RGS5: variants seen among roughly 807,000 people sequenced by gnomAD.
The protein encoded by RGS5 is regulator of G protein signaling 5, also known as regulator of G-protein signalling 5.
A neutral mutation model predicts 18.9 loss-of-function variants in RGS5; 20 were observed. The observed-to-expected ratio is 1.06, with a 90% confidence interval of 0.74 to 1.54. The LOEUF is 1.54. Among genes scored for constraint, RGS5 ranks in the 40% most tolerant of loss-of-function variants. The pLI, the probability that RGS5 is intolerant of heterozygous loss-of-function variation, is 0.00. For missense variants in RGS5, 201 were observed against 211.8 expected, an observed-to-expected ratio of 0.95 and a Z score of 0.32; for synonymous variants, 57 against 76.2, an observed-to-expected ratio of 0.75 and a Z score of 1.31.
intron 2 of RGS5, among the ~76,000 whole-genome samples, chr1:163,252,774 C>T (rs914112118): frequency 6.6e-6 from 1 of 152,064 alleles, no homozygotes; most frequent in East Asian, 1.9e-4. Context: ...GAATTTTCGT[C>T]TTTATGGGAG....
intron 1 of RGS5, chr1:163,318,940 G>A (rs1419947512): frequency 6.6e-6 from 1 of 152,156 alleles, no homozygotes; most frequent in African/African-American, 2.4e-5. Flanking sequence ...AATTAACTGG[G>A]AAAAAAGTAC....
chr1:163,305,630 C>T (rs1384936744), intron 2 of RGS5, among the ~76,000 whole-genome samples: 1 of 152,182 alleles, frequency 6.6e-6, no homozygotes, highest in Non-Finnish European at 1.5e-5. Context: ...AAACACACTC[C>T]TCCCCCAAAT....
intron 2 of RGS5, among the ~76,000 whole-genome samples, chr1:163,296,044 CT>C (rs2101728826): frequency 6.6e-6 from 1 of 152,204 alleles, no homozygotes; most frequent in South Asian, 2.1e-4. Context: ...CCTTATGATG[CT>C]TTAAAAAGTC....
chr1:163,190,760 G>A (rs941279742), intron 1 of RGS5, among the ~76,000 whole-genome samples: 34 of 152,190 alleles, frequency 2.2e-4, no homozygotes, highest in African/African-American at 6.8e-4. Context: ...TAGCAATGAC[G>A]GAAGAATTTA....
upstream of RGS5, among the ~76,000 whole-genome samples, chr1:163,218,849 A>G (rs1660274355): frequency 1.3e-5 from 2 of 152,180 alleles, no homozygotes; most frequent in Admixed American, 6.6e-5. Flanking sequence ...CTACCTGACA[A>G]AAGGAAGAAA....
At chr1:163,197,882 C>T (rs944741705) in intron 1 of RGS5, among the ~76,000 whole-genome samples, 3 of 152,136 alleles carry the variant, frequency 2.0e-5, no homozygotes, top group Non-Finnish European at 4.4e-5. Flanking sequence ...ATCAGTTGTT[C>T]AAGCTAATTG....
chr1:163,275,604 A>C (rs1312854209), intron 2 of RGS5, among the ~76,000 whole-genome samples: 3 of 152,214 alleles, frequency 2.0e-5, no homozygotes, highest in African/African-American at 7.2e-5. Flanking sequence ...TGTCAAGACT[A>C]AATGTTATTC....
chr1:163,270,170 G>A lies in RGS5; in HGVS notation c.-281+36063C>T, dbSNP rs180960367. On this transcript the variant is annotated intron_variant, in intron 2 of 5. Coordinates refer to the RGS5 transcript ENST00000618415. ...GCACTTGGGGTCACTTCCTCTAATC[G>A]CTCAGAGATGTTTGAATTCTTGACA... is the stretch of plus-strand genomic sequence containing the variant. 2.2e-3 allele frequency among the ~76,000 whole-genome samples: 334 copies of A among 151,960 alleles called. 1 individual carries two copies. Among genetic ancestry groups the A allele is most frequent in the African/African-American group, 7.9e-3 (326 of 41,458 alleles).
chr1:163,186,578 C>CAAAAAAAAAAAAAAAAAAAAAAAAA (rs34092786), intron 1 of RGS5, among the ~76,000 whole-genome samples: 1 of 95,968 alleles, frequency 1.0e-5, no homozygotes, highest in Admixed American at 1.3e-4. Flanking sequence ...GACTCTGTCT[C>CAAAAAAAAAAAAAAAAAAAAAAAAA]AAAAAAAAAA....
chr1:163,231,205 A>G (rs1008496876), intron 2 of RGS5, among the ~76,000 whole-genome samples: 11 of 152,238 alleles, frequency 7.2e-5, no homozygotes, highest in South Asian at 2.1e-4. Flanking sequence ...ACAATAAAAA[A>G]ATGAAAAACA....
At chr1:163,318,446 A>G (rs780227215) in intron 1 of RGS5, among the ~76,000 whole-genome samples, 16 of 152,144 alleles carry the variant, frequency 1.1e-4, no homozygotes, top group Non-Finnish European at 2.1e-4. Context: ...AAGCAGTGAG[A>G]TGAGATAGAA....
chr1:163,156,035 G>A (rs181993548), intron 3 of RGS5, among the ~76,000 whole-genome samples: 1 of 152,232 alleles, frequency 6.6e-6, no homozygotes, highest in Non-Finnish European at 1.5e-5. Context: ...AATTAAAGGA[G>A]CATTAGACAA....
At chr1:163,189,660 G>A (rs1659260474) in intron 1 of RGS5, among the ~76,000 whole-genome samples, 1 of 152,158 alleles carries the variant, frequency 6.6e-6, no homozygotes, top group Non-Finnish European at 1.5e-5. Flanking sequence ...AGATTACAAG[G>A]AGAAATATGA....
intron 1 of RGS5, among the ~76,000 whole-genome samples, chr1:163,169,547 T>C (rs1658209125): frequency 6.6e-6 from 1 of 152,162 alleles, no homozygotes; most frequent in Non-Finnish European, 1.5e-5. Flanking sequence ...TTTTTGATGA[T>C]CGCCATTCTA....
At chr1:163,237,839 A>G (rs1337467154) in intron 2 of RGS5, 2 of 153,764 alleles carry the variant, frequency 1.3e-5, no homozygotes, top group African/African-American at 4.8e-5. Flanking sequence ...GAGAAACAAC[A>G]AAGGAGAAGA....
chr1:163,268,787 T>G (rs571811014), intron 2 of RGS5, among the ~76,000 whole-genome samples: 12 of 152,274 alleles, frequency 7.9e-5, no homozygotes, highest in African/African-American at 2.9e-4. Flanking sequence ...CCTCTCTTCC[T>G]TCTGCCTTCT....
chr1:163,285,817 C>T (rs758359648), intron 2 of RGS5, among the ~76,000 whole-genome samples: 3 of 151,860 alleles, frequency 2.0e-5, no homozygotes, highest in Non-Finnish European at 2.9e-5. Context: ...ATATGAAGAC[C>T]GTGCCTACTT....
At chr1:163,268,809 G>C (rs1422932243) in intron 2 of RGS5, among the ~76,000 whole-genome samples, 1 of 152,044 alleles carries the variant, frequency 6.6e-6, no homozygotes, top group Non-Finnish European at 1.5e-5. Flanking sequence ...ACTGGTCTAG[G>C]TGTTCTTTCC....
intron 2 of RGS5, chr1:163,300,791 G>A (rs1557935696): frequency 6.6e-6 from 1 of 152,188 alleles, no homozygotes; most frequent in South Asian, 2.1e-4. Context: ...AATCTCTCAA[G>A]GGCTAGTCTT....
Sources: allele counts gnomAD v4.1 joint callset (sites outside exome capture counted in the v4.1 genomes callset), GRCh38; gene constraint gnomAD v4.1.1; transcripts MANE v1.5; gene names NCBI Gene and HGNC (gene_info 2026-07-23, HGNC 2026-07-21).